BOP1: variants seen among roughly 807,000 people sequenced by gnomAD.
BOP1 encodes the protein ribosome biogenesis protein BOP1.
BOP1 carries 54 observed loss-of-function variants against 82.9 expected under a neutral mutation model. The ratio of observed to expected loss-of-function variants is 0.65; its 90% CI spans 0.52 to 0.82. The LOEUF (loss-of-function observed/expected upper bound fraction) is 0.82, where lower values mean the gene tolerates loss of function less well. Ranked by LOEUF, BOP1 falls within the 40% of genes least tolerant of loss-of-function variation. The pLI, the probability that BOP1 is intolerant of heterozygous loss-of-function variation, is 0.00. For missense variants in BOP1, 1,170 were observed against 1,072.0 expected (o/e 1.09, Z -1.28); for synonymous variants, 566 against 451.1 (o/e 1.25, Z -3.23).
chr8:144,272,244 T>C (rs1690612102), intron 3 of BOP1, among the ~76,000 whole-genome samples: 1 of 151,894 alleles, frequency 6.6e-6, no homozygotes, highest in African/African-American at 2.4e-5. Flanking sequence ...AACTTCCAGG[T>C]GGGGTGGGGA....
intron 3 of BOP1, 80 bp from the exon 4 acceptor site, chr8:144,265,151 GGGGGTTGCAGGGGGAGTGCAGGCCCA>G: frequency 6.6e-7 from 1 of 1,507,480 alleles, no homozygotes; most frequent in Admixed American, 1.8e-5. Context: ...GAGCAGGTGA[GGGGGTTGCAGGGGGAGTGCAGGCCCA>G]GCCTCAAGTG....
intron 3 of BOP1, chr8:144,268,173 G>C (rs1845424375): frequency 6.5e-7 from 1 of 1,549,872 alleles, no homozygotes; most frequent in African/African-American, 1.4e-5. Flanking sequence ...GGAGGCAGAC[G>C]CTGCTGGGGG....
chr8:144,264,204 GC>G lies in BOP1; in HGVS notation c.978+20del. On this transcript the variant is annotated intron_variant, in intron 7 of 15. Transcript: ENST00000569669. ...AGGGAAGCATGGGGACAGGGTCCCG[GC>G]CCCCAGGATGCAGGCCCACCTCCTC... is the stretch of plus-strand genomic sequence containing the variant. 1.9e-6 allele frequency: 3 copies of G among 1,607,432 alleles called. No individual in the cohort carries two copies. Among genetic ancestry groups the G allele is most frequent in the South Asian group, 2.2e-5 (2 of 90,332 alleles).
intron 3 of BOP1, chr8:144,266,447 C>T (rs1364355660): frequency 3.1e-6 from 3 of 954,426 alleles, no homozygotes; most frequent in Non-Finnish European, 3.7e-6. Flanking sequence ...CTCGGGGCCC[C>T]GCTCCGGCCC....
rs549552930 is a variant in BOP1, at chr8:144,289,265, C to T, written c.139G>A (p.Gly47Ser). The change falls in exon 2 of 16, where the codon GGC becomes AGC. Residue 47 changes from glycine to serine, a missense_variant. Physicochemically the swap from Gly to Ser is moderately conservative, Grantham distance 56 (BLOSUM62 0). Transcript: ENST00000569669. ...CTGTCGGAGACGCCAGAATCGCTGCCGGTGCTGTGGCTGAGAGGAGAGGTG... is the reference window on the plus strand; with the variant it reads ...CTGTCGGAGACGCCAGAATCGCTGCTGGTGCTGTGGCTGAGAGGAGAGGTG... The part of the protein sequence containing the change: ...LCTSPLSHST[G>S]SDSGVSDSEE... The T allele has an allele frequency of 1.1e-4, 174 of 1,614,080 alleles. No individual in the cohort carries two copies. Among genetic ancestry groups the T allele is most frequent in the Non-Finnish European group, 1.4e-4 (165 of 1,180,012 alleles).
rs1033770443 is a variant in BOP1, at chr8:144,262,923, C to A, written c.1824G>T (p.Leu608=). ...TCAGCTTCTTGGTGAGCTCCTGGCG[C>A]AGCAGGTGGTAGAGGCGGACGCTGC... ...SQRSVRLYHL[L]RQELTKKLMP... The change falls in exon 13 of 16, where the codon CTG becomes CTT. Residue 608 remains leucine, a synonymous_variant. Coordinates refer to ENST00000569669, the MANE Select transcript of BOP1 (RefSeq NM_015201.5). The A allele has an allele frequency of 1.9e-6, 3 of 1,549,966 alleles. No homozygotes were observed. Among genetic ancestry groups the A allele is most frequent in the Non-Finnish European group, 2.6e-6 (3 of 1,154,496 alleles).
chr8:144,267,266 G>A (rs922317546), intron 3 of BOP1: 14 of 1,395,858 alleles, frequency 1.0e-5, no homozygotes, highest in African/African-American at 3.1e-5. Flanking sequence ...GAGGCCACAC[G>A]GGCAGGGCTC....
rs182179219 is a variant in BOP1, at chr8:144,285,270, C to T, written c.309+3825G>A. Among the ~76,000 whole-genome samples, 8 of 152,292 alleles carry T rather than the reference C, an allele frequency of 5.3e-5. No individual in the cohort carries two copies. In the East Asian group the frequency reaches 1.5e-3, roughly 29 times the overall value. On this transcript the variant is annotated intron_variant, in intron 2 of 15. Coordinates refer to ENST00000569669, the MANE Select transcript of BOP1 (RefSeq NM_015201.5). ...TGACTTCGTGTGTCCCTGAGGTGTC[C>T]GTGACATGACACATGCATGCTGCCT...
At chr8:144,263,656 C>T in intron 10 of BOP1, 36 bp downstream of exon 10, 3 of 1,599,828 alleles carry the variant, frequency 1.9e-6, no homozygotes, top group South Asian at 2.2e-5. Flanking sequence ...ATCCCACCTG[C>T]CCCCCAGCTC....
intron 2 of BOP1, among the ~76,000 whole-genome samples, chr8:144,277,195 C>T (rs1382225930): frequency 9.2e-5 from 14 of 152,160 alleles, no homozygotes; most frequent in African/African-American, 1.4e-4. Flanking sequence ...CTCTCCGGCC[C>T]GGGCTCCTCC....
In BOP1 at chr8:144,289,108, T is replaced by C. The variant is rs1814961933; in HGVS notation, c.296A>G (p.Glu99Gly). The C allele has an allele frequency of 1.9e-6, 3 of 1,614,034 alleles. No homozygotes were observed. Among genetic ancestry groups the C allele is most frequent in the Non-Finnish European group, 2.5e-6 (3 of 1,180,040 alleles). ...EGHSGIKKTT[E>G]EQVQASTPCP... The stretch of plus-strand genomic sequence containing the variant: ...TCGCTCACCCACCTGCACCTGCTCC[T>C]CAGTGGTCTTTTTAATCCCACTGTG... Residue 99 changes from glutamate (E) to glycine (G), a missense_variant, in exon 2 of 16, where the codon GAG becomes GGG. Coordinates refer to ENST00000569669, the MANE Select transcript of BOP1 (RefSeq NM_015201.5).
chr8:144,267,092 C>T (rs1845389732), intron 3 of BOP1: 10 of 1,386,520 alleles, frequency 7.2e-6, no homozygotes, highest in Admixed American at 3.5e-5. Context: ...AGCCCCCCGC[C>T]GCCGCCCCCG....
chr8:144,267,306 AAC>A (rs1319711064), intron 3 of BOP1: 26 of 1,162,184 alleles, frequency 2.2e-5, no homozygotes, highest in Non-Finnish European at 2.9e-5. Context: ...GCACACCTGT[AAC>A]ACAGGCCTGC....
rs1305016963 is a variant in BOP1 at position 144,266,486 on chromosome 8, C to T, written c.391-1415G>A. 1.1e-5 allele frequency: 11 copies of T among 985,842 alleles called. No homozygotes were observed. The East Asian group carries it at 3.4e-4, about 30-fold the overall frequency. The allele number at this position is 985,842 out of a possible 1,614,324, so 61.1% of individuals were successfully genotyped here. A position where few individuals can be genotyped will look rare whatever the true frequency, so the allele number is the denominator to read the frequency against. On this transcript the variant is annotated intron_variant, in intron 3 of 15. Transcript: ENST00000569669. ...ACGCACATGTGCGCGCGACGCCCGGCAGCTGCCACCGCGGGGCGCAGCCGA... is the reference window on the plus strand; with the variant it reads ...ACGCACATGTGCGCGCGACGCCCGGTAGCTGCCACCGCGGGGCGCAGCCGA...
At chr8:144,265,257 G>A (rs1424482301) in intron 3 of BOP1, 186 bp from the exon 4 acceptor site, 15 of 688,376 alleles carry the variant, frequency 2.2e-5, no homozygotes, top group South Asian at 5.7e-5. Context: ...TGGCGGCCAC[G>A]CTGCCCCCAC....
At chr8:144,285,512 T>C (rs1389260523) in intron 2 of BOP1, among the ~76,000 whole-genome samples, 1 of 152,126 alleles carries the variant, frequency 6.6e-6, no homozygotes, top group East Asian at 1.9e-4. Flanking sequence ...CAGGCAGACA[T>C]TACCCTCACT....
chr8:144,263,243 C>A lies in BOP1; in HGVS notation c.1583G>T (p.Arg528Leu). The part of the protein sequence containing the change: ...ASEEERQVGL[R>L]LRICHGKPVT... ...TACCTTCCCGTGGCAGATGCGCAGC[C>A]GCAGGCCCACTTGGCGCTCCTCCTC... is the stretch of plus-strand genomic sequence containing the variant. Residue 528 changes from arginine (R) to leucine (L), a missense_variant, in exon 12 of 16, where the codon CGG (arginine) becomes CTG (leucine). Transcript: ENST00000569669. 6.3e-7 allele frequency: 1 copy of A among 1,594,938 alleles called. No individual in the cohort carries two copies. Among genetic ancestry groups the A allele is most frequent in the Non-Finnish European group, 8.5e-7 (1 of 1,179,236 alleles).
chr8:144,272,466 C>T (rs1355252534), intron 3 of BOP1, among the ~76,000 whole-genome samples: 2 of 152,192 alleles, frequency 1.3e-5, no homozygotes, highest in African/African-American at 2.4e-5. Flanking sequence ...CAGCCGTCAC[C>T]ACCTGCCCAA....
At chr8:144,267,152 C>A in intron 3 of BOP1, 1 of 1,531,768 alleles carries the variant, frequency 6.5e-7, no homozygotes. Context: ...CAGATCTGCA[C>A]CTTCTGCCTC....
Sources: allele counts gnomAD v4.1 joint callset (sites outside exome capture counted in the v4.1 genomes callset), GRCh38; gene constraint gnomAD v4.1.1; transcripts MANE v1.5; gene names NCBI Gene and HGNC (gene_info 2026-07-23, HGNC 2026-07-21).